The following DYNLRB1 variants were observed in gnomAD, a reference collection of about 807,000 sequenced individuals.
DYNLRB1 encodes the protein dynein light chain roadblock-type 1.
DYNLRB1 carries 6 observed loss-of-function variants against 13.5 expected under a neutral mutation model. The observed-to-expected ratio is 0.44, with a 90% confidence interval of 0.24 to 0.88. The LOEUF (loss-of-function observed/expected upper bound fraction) is 0.88. Among genes scored for constraint, DYNLRB1 ranks in the 40% least tolerant of loss-of-function variants. DYNLRB1 has a pLI of 0.21. For missense variants in DYNLRB1, 93 were observed against 127.2 expected, an observed-to-expected ratio of 0.73 and a Z score of 1.29; for synonymous variants, 43 against 45.0, an observed-to-expected ratio of 0.96 and a Z score of 0.18.
intron 2 of DYNLRB1, chr20:34,526,627 G>T: frequency 2.4e-6 from 1 of 410,714 alleles, no homozygotes. Flanking sequence ...TCCTCACAAA[G>T]GGAAAATCCG....
intron 1 of DYNLRB1, among the ~76,000 whole-genome samples, chr20:34,519,978 A>G (rs1014009547): frequency 7.2e-5 from 11 of 152,168 alleles, no homozygotes; most frequent in African/African-American, 2.7e-4. Flanking sequence ...TACTAAAAAT[A>G]CGAAAAGTAG....
intron 2 of DYNLRB1, among the ~76,000 whole-genome samples, chr20:34,531,934 G>A (rs1375067021): frequency 1.3e-5 from 2 of 152,220 alleles, no homozygotes; most frequent in African/African-American, 4.8e-5. Context: ...GCTTCGTGGT[G>A]TGTAAAAAGA....
intron 1 of DYNLRB1, among the ~76,000 whole-genome samples, chr20:34,524,891 T>G (rs1456312619): frequency 6.6e-6 from 1 of 151,980 alleles, no homozygotes; most frequent in Admixed American, 6.6e-5. Context: ...GCCCGGCTAA[T>G]TTTTTTTGTA....
rs1028804784 is a variant in DYNLRB1, at chr20:34,522,103, A to G, written c.4-4165A>G. ...TAGCCAGAGTAGCATCCCTTGCCCCACAGCCTAGTCCCTGTATCCTGCAAG... is the reference window on the plus strand; with the variant it reads ...TAGCCAGAGTAGCATCCCTTGCCCCGCAGCCTAGTCCCTGTATCCTGCAAG... On this transcript the variant is annotated intron_variant, in intron 1 of 3. Coordinates refer to ENST00000357156, the MANE Select transcript of DYNLRB1 (RefSeq NM_014183.4). Among the ~76,000 whole-genome samples, 3 of 151,842 alleles carry G rather than the reference A, an allele frequency of 2.0e-5. No individual in the cohort carries two copies. In the East Asian group the frequency reaches 5.8e-4, roughly 29 times the overall value.
intron 2 of DYNLRB1, chr20:34,531,203 G>GT (rs1980687228): frequency 6.6e-6 from 1 of 152,246 alleles, no homozygotes; most frequent in African/African-American, 2.4e-5. Context: ...TTTGATTAAA[G>GT]TATCTGTTGA....
intron 2 of DYNLRB1, among the ~76,000 whole-genome samples, chr20:34,527,158 C>T (rs185000872): frequency 2.0e-5 from 3 of 152,188 alleles, no homozygotes; most frequent in African/African-American, 4.8e-5. Flanking sequence ...ATCACACAGT[C>T]GAGATTTAAA....
At chr20:34,529,745 A>G in intron 2 of DYNLRB1, 2 of 1,068,478 alleles carry the variant, frequency 1.9e-6, no homozygotes, top group South Asian at 4.0e-5. Flanking sequence ...AAAAAAAAAA[A>G]TGTTGATTTC....
chr20:34,533,159 A>G (rs1053094916), intron 2 of DYNLRB1, among the ~76,000 whole-genome samples: 6 of 152,160 alleles, frequency 3.9e-5, no homozygotes, highest in African/African-American at 1.4e-4. Flanking sequence ...CGTCCAGTGA[A>G]TAAGTCCACT....
chr20:34,527,056 G>A (rs1384957327), intron 2 of DYNLRB1, among the ~76,000 whole-genome samples: 2 of 152,164 alleles, frequency 1.3e-5, no homozygotes. Context: ...TCACATACCC[G>A]CTCTGTGCCA....
At chr20:34,538,927 GC>G (rs1397840743) in intron 3 of DYNLRB1, among the ~76,000 whole-genome samples, 4 of 152,212 alleles carry the variant, frequency 2.6e-5, no homozygotes, top group Non-Finnish European at 4.4e-5. Flanking sequence ...GATTGGGCAA[GC>G]CCTTTAACTC....
intron 1 of DYNLRB1, among the ~76,000 whole-genome samples, chr20:34,522,279 C>G (rs1186634725): frequency 5.9e-5 from 9 of 152,046 alleles, no homozygotes; most frequent in Non-Finnish European, 1.5e-5. Flanking sequence ...AAACCTGTTT[C>G]CCCATCACTA....
At chr20:34,530,124 C>T (rs1980599425) in intron 2 of DYNLRB1, 1 of 1,228,382 alleles carries the variant, frequency 8.1e-7, no homozygotes, top group Non-Finnish European at 1.0e-6. Context: ...CTGTGACCCC[C>T]AGGCTTCCAC....
intron 2 of DYNLRB1, among the ~76,000 whole-genome samples, chr20:34,528,916 G>A (rs931783128): frequency 1.1e-4 from 17 of 152,124 alleles, no homozygotes; most frequent in African/African-American, 3.1e-4. Context: ...CAAGACTGCA[G>A]TTTGCTTCAA....
At chr20:34,527,212 G>A (rs1211897481) in intron 2 of DYNLRB1, among the ~76,000 whole-genome samples, 2 of 152,158 alleles carry the variant, frequency 1.3e-5, no homozygotes, top group Non-Finnish European at 1.5e-5. Context: ...TCCCGCGCCA[G>A]GCTGTAAAGA....
chr20:34,522,582 T>C (rs1032505708), intron 1 of DYNLRB1, among the ~76,000 whole-genome samples: 2 of 147,750 alleles, frequency 1.4e-5, no homozygotes. Context: ...AGGCAATCCT[T>C]TCACCTCAGC....
intron 1 of DYNLRB1, among the ~76,000 whole-genome samples, chr20:34,524,733 T>G (rs1023232981): frequency 2.9e-5 from 4 of 139,072 alleles, no homozygotes; most frequent in Admixed American, 7.2e-5. Flanking sequence ...TTTTTTTTTG[T>G]TTTTTTTTTT....
chr20:34,540,714 G>T lies in DYNLRB1; in HGVS notation c.*90G>T, dbSNP rs1981513857. 7.2e-7 allele frequency: 1 copy of T among 1,395,900 alleles called. No individual in the cohort carries two copies. Among genetic ancestry groups the T allele is most frequent in the South Asian group, 1.2e-5 (1 of 82,708 alleles). The allele number at this position is 1,395,900 out of a possible 1,614,324, so 86.5% of individuals were successfully genotyped here. Reference sequence around the variant, plus strand: ...CATGTCAGTGGACTAGCACATGGCAGTCGCTTGGAACCCACTCACACCAAT... The same window carrying T: ...CATGTCAGTGGACTAGCACATGGCATTCGCTTGGAACCCACTCACACCAAT... On this transcript the variant is annotated 3_prime_UTR_variant, in exon 4 of 4. Transcript: ENST00000357156.
At chr20:34,519,578 A>T (rs1979547085) in intron 1 of DYNLRB1, among the ~76,000 whole-genome samples, 1 of 152,162 alleles carries the variant, frequency 6.6e-6, no homozygotes, top group Admixed American at 6.6e-5. Flanking sequence ...TGTTCTGTTC[A>T]CTTAAAAATA....
chr20:34,535,565 TG>T, intron 3 of DYNLRB1: 6 of 891,612 alleles, frequency 6.7e-6, no homozygotes, highest in Non-Finnish European at 8.1e-6. Flanking sequence ...ACTCATGGAC[TG>T]GGGTGGCAGG....
Sources: allele counts gnomAD v4.1 joint callset (sites outside exome capture counted in the v4.1 genomes callset), GRCh38; gene constraint gnomAD v4.1.1; transcripts MANE v1.5; gene names NCBI Gene and HGNC (gene_info 2026-07-23, HGNC 2026-07-21).